SUSD4: variants seen among roughly 807,000 people sequenced by gnomAD.
SUSD4 encodes sushi domain containing 4.
In SUSD4, 41 loss-of-function variants were observed where a neutral mutation model predicts 50.5. That is an observed-to-expected ratio of 0.81 (90% CI 0.63 to 1.05). The LOEUF is 1.05. Ranked by LOEUF, SUSD4 falls within the 50% of genes least tolerant of loss-of-function variation. The pLI, the probability that SUSD4 is intolerant of heterozygous loss-of-function variation, is 0.00. For missense variants in SUSD4, 580 were observed against 634.7 expected (o/e 0.91, Z 0.93); for synonymous variants, 257 against 257.3 (o/e 1.00, Z 0.01).
chr1:223,279,352 AT>A (rs1378263841), intron 3 of SUSD4, among the ~76,000 whole-genome samples: 1 of 152,210 alleles, frequency 6.6e-6, no homozygotes, highest in East Asian at 1.9e-4. Context: ...GCTAACTAGA[AT>A]AACCAGTGTA....
chr1:223,349,931 T>C lies in SUSD4; in HGVS notation c.148+13347A>G, dbSNP rs150914336. Among the ~76,000 whole-genome samples the C allele has an allele frequency of 2.8e-4, 42 of 152,264 alleles. No homozygotes were observed. In the East Asian group the frequency reaches 7.7e-3, roughly 28 times the overall value. Reference sequence around the variant, plus strand: ...ATGACTCTATTTGGAGATAGGGCCTTTAAGAGGTAATTAAAGTTAAATGAA... The same window carrying C: ...ATGACTCTATTTGGAGATAGGGCCTCTAAGAGGTAATTAAAGTTAAATGAA... On this transcript the variant is annotated intron_variant, in intron 2 of 8. Transcript: ENST00000366878.
intron 5 of SUSD4, among the ~76,000 whole-genome samples, chr1:223,247,520 T>C (rs1338787373): frequency 6.6e-6 from 1 of 152,198 alleles, no homozygotes; most frequent in African/African-American, 2.4e-5. Flanking sequence ...TTTGGTAACC[T>C]TCTTACAGCA....
rs765164407 is a variant in SUSD4 at position 223,227,747 on chromosome 1, G to A, written c.917-9C>T. ...GCTGGGCCACGTTTGCTCTGCATGA[G>A]GGAGAACAAAGCTGTACGTGAGGCT... On this transcript the variant is annotated splice_polypyrimidine_tract_variant and intron_variant, in intron 6 of 8. Transcript: ENST00000366878. This position sits in a 1 kb window ranked among gnomAD's most constrained non-coding sequence, Gnocchi z 4.5. 2 of 1,607,048 alleles carry A rather than the reference G, an allele frequency of 1.2e-6. No individual in the cohort carries two copies. Among genetic ancestry groups the A allele is most frequent in the Non-Finnish European group, 8.5e-7 (1 of 1,176,042 alleles).
chr1:223,284,511 T>C (rs568666002), intron 3 of SUSD4, among the ~76,000 whole-genome samples: 36 of 152,200 alleles, frequency 2.4e-4, no homozygotes, highest in Non-Finnish European at 4.9e-4. Context: ...ACCTACTTTG[T>C]AGGGTTGCTG....
intron 5 of SUSD4, among the ~76,000 whole-genome samples, chr1:223,230,106 A>G (rs2103000997): frequency 6.6e-6 from 1 of 152,328 alleles, no homozygotes; most frequent in Middle Eastern, 3.4e-3. Context: ...TTCTGACTCG[A>G]ATATCCCATC....
chr1:223,246,658 G>A (rs1660952781), intron 5 of SUSD4, among the ~76,000 whole-genome samples: 1 of 152,114 alleles, frequency 6.6e-6, no homozygotes, highest in Non-Finnish European at 1.5e-5. Flanking sequence ...ATGAGTGCTG[G>A]ACACAGGCCT....
chr1:223,268,669 C>T lies in SUSD4; in HGVS notation c.368G>A (p.Arg123His), dbSNP rs147477935. 1.2e-4 allele frequency: 185 copies of T among 1,608,434 alleles called. 1 individual carries two copies. Among genetic ancestry groups the T allele is most frequent in the Middle Eastern group, 9.9e-4 (6 of 6,064 alleles). Reference protein sequence around the residue: ...DNSICVQEDCRIPQIEDAEIH... With the variant: ...DNSICVQEDCHIPQIEDAEIH... ...CTCAGCATCTTCGATTTGAGGGATA[C>T]GGCAATCTGCAATTTTGTAAAAGGT... The change falls in exon 4 of 9, where the codon CGT (arginine) becomes CAT (histidine). Residue 123 changes from arginine to histidine, a missense_variant. Physicochemically the swap from Arg to His is conservative, Grantham distance 29 (BLOSUM62 0). Transcript: ENST00000366878.
chr1:223,284,028 C>G (rs1384268593), intron 3 of SUSD4, among the ~76,000 whole-genome samples: 1 of 147,574 alleles, frequency 6.8e-6, no homozygotes, highest in Admixed American at 7.2e-5. Context: ...GGGAACTGAA[C>G]AATGAGAACA....
At chr1:223,300,774 C>A (rs1473331156) in intron 2 of SUSD4, among the ~76,000 whole-genome samples, 1 of 152,176 alleles carries the variant, frequency 6.6e-6, no homozygotes, top group African/African-American at 2.4e-5. Context: ...TCACTGGAAT[C>A]AAGACCAACC....
intron 2 of SUSD4, among the ~76,000 whole-genome samples, chr1:223,296,490 G>A (rs1236533187): frequency 6.6e-6 from 1 of 152,186 alleles, no homozygotes; most frequent in African/African-American, 2.4e-5. Flanking sequence ...GTTCTGCATG[G>A]CCTGTGCTGT....
In SUSD4 at chr1:223,292,587, G is replaced by A. The variant is rs148470082; in HGVS notation, c.213C>T (p.Ser71=). ...CAGAGCCTTCAAAGAAAACCCCTCC[G>A]CTGGGGGTCCTGAAGCCATTCTCGG... ...GIPENGFRTP[S]GGVFFEGSVA... Residue 71 remains serine, a synonymous_variant, in exon 3 of 9, where the codon AGC becomes AGT. Coordinates refer to ENST00000366878, the MANE Select transcript of SUSD4 (RefSeq NM_017982.4). The A allele has an allele frequency of 1.3e-4, 215 of 1,614,026 alleles. No individual in the cohort carries two copies. The highest frequency in any genetic ancestry group is 1.3e-3 in the South Asian group (118 of 91,066).
At chr1:223,280,119 C>T (rs185467969) in intron 3 of SUSD4, among the ~76,000 whole-genome samples, 133 of 152,262 alleles carry the variant, frequency 8.7e-4, no homozygotes, top group African/African-American at 3.1e-3. Flanking sequence ...CCGGTACCAG[C>T]CACAGCTAAA....
intron 2 of SUSD4, among the ~76,000 whole-genome samples, chr1:223,320,844 A>G (rs1362835629): frequency 6.6e-6 from 1 of 152,248 alleles, no homozygotes; most frequent in Non-Finnish European, 1.5e-5. Context: ...CAACTCTGTC[A>G]TTCACAAATT....
At chr1:223,359,488 C>G (rs545855119) in intron 2 of SUSD4, among the ~76,000 whole-genome samples, 3 of 152,310 alleles carry the variant, frequency 2.0e-5, no homozygotes, top group African/African-American at 7.2e-5. Context: ...TCATAGGCTA[C>G]CATTAATTGG....
At chr1:223,280,734 G>A (rs897176705) in intron 3 of SUSD4, among the ~76,000 whole-genome samples, 1 of 151,736 alleles carries the variant, frequency 6.6e-6, no homozygotes, top group African/African-American at 2.4e-5. Context: ...GTACCAAGGG[G>A]ACCTAATAGG....
chr1:223,222,454 T>C (rs1009100300), intron 8 of SUSD4, among the ~76,000 whole-genome samples: 4 of 152,292 alleles, frequency 2.6e-5, no homozygotes, highest in Admixed American at 6.5e-5. Context: ...TCATAAAAAA[T>C]AAAATGTTAC....
chr1:223,295,215 G>T (rs1289372837), intron 2 of SUSD4, among the ~76,000 whole-genome samples: 1 of 152,110 alleles, frequency 6.6e-6, no homozygotes, highest in Non-Finnish European at 1.5e-5. Context: ...ATAAGGGAGG[G>T]CCTGCTGTTA....
At chr1:223,275,425 C>T (rs1366571704) in intron 3 of SUSD4, among the ~76,000 whole-genome samples, 2 of 152,060 alleles carry the variant, frequency 1.3e-5, no homozygotes, top group Admixed American at 1.3e-4. Flanking sequence ...CTGGAAAGTT[C>T]AACAACAAGG....
At chr1:223,274,931 GA>G (rs1663156391) in intron 3 of SUSD4, among the ~76,000 whole-genome samples, 1 of 152,160 alleles carries the variant, frequency 6.6e-6, no homozygotes, top group South Asian at 2.1e-4. Flanking sequence ...CATATTTTGG[GA>G]AACTGAGTAG....
Sources: allele counts gnomAD v4.1 joint callset (sites outside exome capture counted in the v4.1 genomes callset), GRCh38; gene constraint gnomAD v4.1.1; non-coding constraint Gnocchi (gnomAD v3.1); transcripts MANE v1.5; gene names NCBI Gene and HGNC (gene_info 2026-07-23, HGNC 2026-07-21).